The following CCDC181 variants were observed in gnomAD, a reference collection of about 807,000 sequenced individuals.
CCDC181 encodes the protein coiled-coil domain containing 181.
In CCDC181, 35 loss-of-function variants were observed where a neutral mutation model predicts 58.7. That is an observed-to-expected ratio of 0.60 (90% CI 0.46 to 0.79). The LOEUF (loss-of-function observed/expected upper bound fraction) is 0.79, where lower values mean the gene tolerates loss of function less well. Among genes scored for constraint, CCDC181 ranks in the 30% least tolerant of loss-of-function variants. CCDC181 has a pLI of 0.00. For missense variants in CCDC181, 517 were observed against 583.9 expected, an observed-to-expected ratio of 0.89 and a Z score of 1.18; for synonymous variants, 183 against 197.5, an observed-to-expected ratio of 0.93 and a Z score of 0.62.
intron 4 of CCDC181, among the ~76,000 whole-genome samples, chr1:169,398,965 G>C (rs764420804): frequency 4.6e-5 from 7 of 152,226 alleles, no homozygotes; most frequent in Non-Finnish European, 7.3e-5. Context: ...AAGGAGCTAA[G>C]AAGGGATTGT....
chr1:169,406,602 A>T (rs955899661), intron 4 of CCDC181, among the ~76,000 whole-genome samples: 11 of 152,170 alleles, frequency 7.2e-5, no homozygotes, highest in African/African-American at 2.7e-4. Flanking sequence ...AACAATGAGA[A>T]CACTTAGACA....
intron 2 of CCDC181, among the ~76,000 whole-genome samples, chr1:169,455,448 C>G: frequency 6.6e-6 from 1 of 152,060 alleles, no homozygotes; most frequent in East Asian, 1.9e-4. Flanking sequence ...TAAAGCCCCA[C>G]TAATTAACAA....
At chr1:169,430,864 T>C (rs1331740658), upstream of CCDC181, among the ~76,000 whole-genome samples, 2 of 152,138 alleles carry the variant, frequency 1.3e-5, no homozygotes, top group African/African-American at 2.4e-5. Flanking sequence ...GTTCACCCCA[T>C]GTAAATGAAG....
At chr1:169,437,200 A>G (rs1435898878) in intron 2 of CCDC181, among the ~76,000 whole-genome samples, 1 of 152,196 alleles carries the variant, frequency 6.6e-6, no homozygotes, top group Non-Finnish European at 1.5e-5. Flanking sequence ...CCACAAGATC[A>G]GATGAGCCAG....
At chr1:169,416,750 A>G (rs1025100638) in intron 4 of CCDC181, among the ~76,000 whole-genome samples, 1 of 152,040 alleles carries the variant, frequency 6.6e-6, no homozygotes, top group South Asian at 2.1e-4. Context: ...ACTATATGGT[A>G]TCAGTCAAAT....
At chr1:169,460,147 G>A (rs2101766524) in intron 1 of CCDC181, 1 of 152,278 alleles carries the variant, frequency 6.6e-6, no homozygotes, top group Non-Finnish European at 1.5e-5. Flanking sequence ...TTTAAAGGAA[G>A]ACAATTCGAT....
intron 4 of CCDC181, among the ~76,000 whole-genome samples, chr1:169,404,026 A>G (rs958178904): frequency 6.6e-6 from 1 of 152,254 alleles, no homozygotes; most frequent in South Asian, 2.1e-4. Flanking sequence ...AGAGAATACT[A>G]TAAACACCTC....
chr1:169,412,708 GA>G (rs1656034596), intron 4 of CCDC181, among the ~76,000 whole-genome samples: 1 of 152,146 alleles, frequency 6.6e-6, no homozygotes. Flanking sequence ...AGAGGACTCA[GA>G]AATAATGCCA....
intron 2 of CCDC181, among the ~76,000 whole-genome samples, chr1:169,438,981 T>G (rs898172338): frequency 4.6e-5 from 7 of 152,198 alleles, no homozygotes; most frequent in African/African-American, 1.7e-4. Flanking sequence ...GAAATCTCCC[T>G]GAAATCTTCC....
intron 4 of CCDC181, among the ~76,000 whole-genome samples, chr1:169,414,424 A>G (rs1656123440): frequency 6.6e-6 from 1 of 152,238 alleles, no homozygotes; most frequent in Non-Finnish European, 1.5e-5. Context: ...GGGGAAGACA[A>G]TAAGCATGCA....
At chr1:169,422,362 G>A (rs780302739) in intron 2 of CCDC181, 49 bp from the exon 3 acceptor site, 32 of 1,328,820 alleles carry the variant, frequency 2.4e-5, no homozygotes, top group Non-Finnish European at 3.2e-5. Context: ...TCATTTATAA[G>A]TAGACATACA....
upstream of CCDC181, among the ~76,000 whole-genome samples, chr1:169,428,475 T>A (rs1250018902): frequency 6.7e-6 from 1 of 148,402 alleles, no homozygotes; most frequent in Non-Finnish European, 1.5e-5. Flanking sequence ...CTCCTAAATT[T>A]GTATTTTTCA....
chr1:169,411,734 C>T (rs965309410), intron 4 of CCDC181, among the ~76,000 whole-genome samples: 3 of 152,168 alleles, frequency 2.0e-5, no homozygotes, highest in East Asian at 1.9e-4. Flanking sequence ...ATATGCAAAT[C>T]GATAAACATA....
intron 4 of CCDC181, among the ~76,000 whole-genome samples, chr1:169,411,702 T>C (rs1404668495): frequency 6.6e-6 from 1 of 152,200 alleles, no homozygotes; most frequent in East Asian, 1.9e-4. Context: ...ACTTCATCCC[T>C]GGGATGCAAG....
At chr1:169,432,858 A>G (rs1656957096) in intron 2 of CCDC181, among the ~76,000 whole-genome samples, 1 of 152,184 alleles carries the variant, frequency 6.6e-6, no homozygotes, top group African/African-American at 2.4e-5. Context: ...AATAAAAGGC[A>G]TATATGAAAA....
At chr1:169,452,094 T>A (rs1657557666) in intron 2 of CCDC181, among the ~76,000 whole-genome samples, 1 of 149,328 alleles carries the variant, frequency 6.7e-6, no homozygotes, top group Admixed American at 6.7e-5. Flanking sequence ...AGAGAGGAAA[T>A]GTAGATGAGA....
intron 2 of CCDC181, among the ~76,000 whole-genome samples, chr1:169,458,188 T>TTG (rs1312727301): frequency 1.3e-4 from 17 of 130,402 alleles, no homozygotes; most frequent in Non-Finnish European, 1.9e-4. Flanking sequence ...TTTTTTTTTT[T>TTG]GTTTTGTTTT....
intron 4 of CCDC181, among the ~76,000 whole-genome samples, chr1:169,411,847 C>T (rs1655982589): frequency 6.6e-6 from 1 of 152,132 alleles, no homozygotes; most frequent in South Asian, 2.1e-4. Context: ...GCTAAAAACT[C>T]TCAATAAACT....
intron 4 of CCDC181, among the ~76,000 whole-genome samples, chr1:169,405,684 G>C (rs1655609160): frequency 1.3e-5 from 2 of 152,214 alleles, no homozygotes; most frequent in African/African-American, 4.8e-5. Flanking sequence ...TTAAATGTTA[G>C]ACCTAAAACC....
Sources: gnomAD v4.1 joint callset for allele counts (sites outside exome capture counted in the v4.1 genomes callset) on GRCh38, gnomAD v4.1.1 for gene constraint, MANE v1.5 for transcripts, NCBI Gene and HGNC (gene_info 2026-07-23, HGNC 2026-07-21) for gene names.